The following NBEA variants were observed in gnomAD, a reference collection of about 807,000 sequenced individuals.
The protein encoded by NBEA is lysosomal-trafficking regulator 2.
A neutral mutation model predicts 343.4 loss-of-function variants in NBEA; 44 were observed. The ratio of observed to expected loss-of-function variants is 0.13; its 90% CI spans 0.10 to 0.16. NBEA has a LOEUF of 0.16. Among genes scored for constraint, NBEA ranks in the 10% least tolerant of loss-of-function variants. The pLI is 1.00. For missense variants in NBEA, 2,555 were observed against 3,631.3 expected (o/e 0.70, Z 7.62); for synonymous variants, 1,175 against 1,238.7 (o/e 0.95, Z 1.08).
At chr13:35,482,599 T>G (rs1424517764) in intron 41 of NBEA, among the ~76,000 whole-genome samples, 2 of 151,634 alleles carry the variant, frequency 1.3e-5, no homozygotes, top group African/African-American at 4.8e-5. Context: ...CAGCATAGTT[T>G]GTAAGATGTA....
At chr13:35,192,209 A>G (rs189967143) in intron 30 of NBEA, among the ~76,000 whole-genome samples, 4 of 152,148 alleles carry the variant, frequency 2.6e-5, no homozygotes, top group East Asian at 3.9e-4. Context: ...CTAACTTCCT[A>G]TTTGAATCAT....
Position 35,112,789 on chromosome 13 carries a change from AT to A in NBEA, c.2002+1819del, listed in dbSNP as rs968428021. Among the ~76,000 whole-genome samples the A allele has an allele frequency of 9.9e-5, 15 of 151,894 alleles. No individual in the cohort carries two copies. In the East Asian group the frequency reaches 1.2e-3, roughly 12 times the overall value. On this transcript the variant is annotated intron_variant, in intron 13 of 58. Transcript: ENST00000379939. ...TAAACACACCTACAGATATATACAC[AT>A]TTTTTTTCTGATTCGATTGGTAATA...
At chr13:34,983,162 A>C (rs954194112) in intron 1 of NBEA, among the ~76,000 whole-genome samples, 4 of 151,838 alleles carry the variant, frequency 2.6e-5, no homozygotes, top group Non-Finnish European at 2.9e-5. Flanking sequence ...CTAATGCTAT[A>C]CCTCCCCCTG....
At chr13:34,949,620 T>C (rs2059290515) in intron 1 of NBEA, among the ~76,000 whole-genome samples, 1 of 152,204 alleles carries the variant, frequency 6.6e-6, no homozygotes, top group African/African-American at 2.4e-5. Context: ...TGACCAATGA[T>C]ATATGGTTTA....
chr13:35,264,990 A>G (rs1339015292), intron 34 of NBEA, among the ~76,000 whole-genome samples: 1 of 151,952 alleles, frequency 6.6e-6, no homozygotes, highest in African/African-American at 2.4e-5. Flanking sequence ...AGAAAACCCT[A>G]AAGAATCCTC....
chr13:35,306,554 C>G (rs773406290), intron 35 of NBEA, among the ~76,000 whole-genome samples: 6 of 151,838 alleles, frequency 4.0e-5, no homozygotes, highest in Non-Finnish European at 5.9e-5. Flanking sequence ...GCTTCATTGT[C>G]TCTCATTATT....
intron 41 of NBEA, among the ~76,000 whole-genome samples, chr13:35,523,039 A>G (rs1371742188): frequency 1.3e-5 from 2 of 152,224 alleles, no homozygotes; most frequent in Non-Finnish European, 2.9e-5. Flanking sequence ...AATGACAAGA[A>G]TATTTACAGA....
At chr13:35,527,546 G>A (rs920458952) in intron 41 of NBEA, among the ~76,000 whole-genome samples, 5 of 152,158 alleles carry the variant, frequency 3.3e-5, no homozygotes, top group Non-Finnish European at 5.9e-5. Context: ...AAGTCCAGAC[G>A]GGGCCCCAAG....
At chr13:35,670,729 C>T (rs1315980876) in intron 58 of NBEA, among the ~76,000 whole-genome samples, 172 bp from the exon 59 acceptor site, 1 of 152,196 alleles carries the variant, frequency 6.6e-6, no homozygotes, top group Non-Finnish European at 1.5e-5. Context: ...TCAGCAGAAC[C>T]AAGAAGAAAT....
intron 6 of NBEA, among the ~76,000 whole-genome samples, chr13:35,053,522 C>A (rs1443399776): frequency 6.6e-6 from 1 of 151,968 alleles, no homozygotes; most frequent in African/African-American, 2.4e-5. Flanking sequence ...TTATTACTCC[C>A]AAATCTGTAT....
At position 35,159,628 on chromosome 13, in the gene NBEA, A is replaced by C. The variant is rs1375360714; in HGVS notation, c.3457A>C (p.Lys1153Gln). 2 of 1,610,862 alleles carry C rather than the reference A, an allele frequency of 1.2e-6. No homozygotes were observed. Among genetic ancestry groups the C allele is most frequent in the African/African-American group, 2.7e-5 (2 of 74,856 alleles). ...STSFLFDKIP[K>Q]QEEKLLPELS... The stretch of plus-strand genomic sequence containing the variant: ...ATCATTTCTCTTTGATAAAATACCC[A>C]AACAGGAGGAAAAACTACTTCCTGA... Residue 1153 changes from lysine (K) to glutamine (Q), a missense_variant, in exon 22 of 59, where the codon AAA becomes CAA. Transcript: ENST00000379939.
intron 1 of NBEA, among the ~76,000 whole-genome samples, chr13:35,007,118 A>G (rs1027936086): frequency 2.0e-5 from 3 of 152,112 alleles, no homozygotes; most frequent in Non-Finnish European, 4.4e-5. Context: ...ATGATAGATC[A>G]GAAATGATTC....
At chr13:35,560,310 T>C in intron 44 of NBEA, among the ~76,000 whole-genome samples, 1 of 152,236 alleles carries the variant, frequency 6.6e-6, no homozygotes, top group East Asian at 1.9e-4. Context: ...TATTAGCTGC[T>C]TTTAAAACCT....
At chr13:35,512,478 G>A (rs1043130207) in intron 41 of NBEA, among the ~76,000 whole-genome samples, 2 of 152,170 alleles carry the variant, frequency 1.3e-5, no homozygotes, top group African/African-American at 4.8e-5. Flanking sequence ...GTCAGCTTTA[G>A]GGACCAACTG....
chr13:35,131,020 C>T (rs1184055891), intron 17 of NBEA, among the ~76,000 whole-genome samples: 3 of 151,774 alleles, frequency 2.0e-5, no homozygotes, highest in Admixed American at 6.6e-5. Flanking sequence ...ATATTAAAAG[C>T]AGAAAGGTAC....
chr13:35,068,958 C>T (rs1029997753), intron 8 of NBEA, among the ~76,000 whole-genome samples: 2 of 151,920 alleles, frequency 1.3e-5, no homozygotes, highest in South Asian at 2.1e-4. Flanking sequence ...GTATGCCTCC[C>T]GTAAGAACTT....
chr13:35,490,151 A>G (rs1346210417), intron 41 of NBEA, among the ~76,000 whole-genome samples: 1 of 151,928 alleles, frequency 6.6e-6, no homozygotes, highest in Non-Finnish European at 1.5e-5. Flanking sequence ...CACAAATGCC[A>G]ACAAAAGAAG....
chr13:35,095,016 A>G (rs2065261878), intron 10 of NBEA, among the ~76,000 whole-genome samples: 1 of 151,860 alleles, frequency 6.6e-6, no homozygotes, highest in Non-Finnish European at 1.5e-5. Context: ...TAGCTGTGGT[A>G]CTTAGCTTTT....
intron 58 of NBEA, 107 bp from the exon 59 acceptor site, chr13:35,670,794 G>C (rs1046825805): frequency 8.4e-6 from 6 of 712,258 alleles, no homozygotes; most frequent in Non-Finnish European, 1.4e-5. Context: ...TTGAGATCGT[G>C]ATATTGTCTA....
Sources: gnomAD v4.1 joint callset for allele counts (sites outside exome capture counted in the v4.1 genomes callset) on GRCh38, gnomAD v4.1.1 for gene constraint, MANE v1.5 for transcripts, NCBI Gene and HGNC (gene_info 2026-07-23, HGNC 2026-07-21) for gene names.